CCSER1: variants seen among roughly 807,000 people sequenced by gnomAD.
CCSER1 encodes the protein coiled-coil serine rich protein 1.
Under a neutral mutation model 82.0 loss-of-function variants are expected in CCSER1, and 41 were observed. The observed-to-expected ratio is 0.50, with a 90% confidence interval of 0.39 to 0.65. CCSER1 has a LOEUF of 0.65. Ranked by LOEUF, CCSER1 falls within the 30% of genes least tolerant of loss-of-function variation. CCSER1 has a pLI of 0.00. For missense variants in CCSER1, 1,119 were observed against 1,064.2 expected (o/e 1.05, Z -0.72); for synonymous variants, 414 against 383.9 (o/e 1.08, Z -0.92).
At chr4:90,549,338 A>G (rs180707450) in intron 5 of CCSER1, among the ~76,000 whole-genome samples, 11 of 152,320 alleles carry the variant, frequency 7.2e-5, no homozygotes, top group Middle Eastern at 6.8e-3. Context: ...TATCAGGAAA[A>G]TTGTCACATC....
chr4:91,298,707 T>C (rs1459946624), intron 10 of CCSER1, among the ~76,000 whole-genome samples: 1 of 152,002 alleles, frequency 6.6e-6, no homozygotes, highest in Non-Finnish European at 1.5e-5. Flanking sequence ...AGTTCTTTTG[T>C]TGAGCATGGA....
At chr4:90,781,104 G>A (rs771515716) in intron 7 of CCSER1, 4 of 197,366 alleles carry the variant, frequency 2.0e-5, no homozygotes, top group Non-Finnish European at 2.7e-5. Context: ...CTCACTATCC[G>A]GAAGACAGCA....
intron 9 of CCSER1, among the ~76,000 whole-genome samples, chr4:91,059,647 C>T (rs1179461944): frequency 6.6e-6 from 1 of 151,558 alleles, no homozygotes; most frequent in Non-Finnish European, 1.5e-5. Flanking sequence ...ACACAAACAC[C>T]CTAGCGATCT....
intron 10 of CCSER1, among the ~76,000 whole-genome samples, chr4:91,494,832 G>A (rs1374028524): frequency 6.6e-6 from 1 of 151,514 alleles, no homozygotes; most frequent in Admixed American, 6.6e-5. Context: ...TCATCAAAAT[G>A]GTTGGTTTTC....
At chr4:91,593,055 C>G (rs548465672) in intron 10 of CCSER1, among the ~76,000 whole-genome samples, 10 of 143,688 alleles carry the variant, frequency 7.0e-5, no homozygotes, top group Non-Finnish European at 1.5e-4. Flanking sequence ...TTCTCCCCTC[C>G]CCCATAAATT....
At chr4:90,369,655 G>A (rs1397012449) in intron 3 of CCSER1, among the ~76,000 whole-genome samples, 1 of 151,896 alleles carries the variant, frequency 6.6e-6, no homozygotes, top group African/African-American at 2.4e-5. Flanking sequence ...TAATATAAAT[G>A]TATCTATTAA....
intron 9 of CCSER1, among the ~76,000 whole-genome samples, chr4:91,014,713 C>T (rs1310160502): frequency 6.6e-6 from 1 of 152,152 alleles, no homozygotes; most frequent in Admixed American, 6.5e-5. Flanking sequence ...TAGAAATCTA[C>T]TTCACACATA....
At chr4:90,804,183 G>A (rs1757205213) in intron 7 of CCSER1, among the ~76,000 whole-genome samples, 1 of 152,062 alleles carries the variant, frequency 6.6e-6, no homozygotes, top group Non-Finnish European at 1.5e-5. Context: ...TCTGATGATA[G>A]CTTCTTTTGC....
intron 10 of CCSER1, among the ~76,000 whole-genome samples, chr4:91,146,003 G>A (rs1427986066): frequency 6.6e-6 from 1 of 152,034 alleles, no homozygotes; most frequent in African/African-American, 2.4e-5. Context: ...ATCCTCTCTA[G>A]AAAATATGTT....
At chr4:90,734,245 C>T (rs1745280581) in intron 7 of CCSER1, among the ~76,000 whole-genome samples, 2 of 152,054 alleles carry the variant, frequency 1.3e-5, no homozygotes, top group South Asian at 4.1e-4. Flanking sequence ...CCTGCCTCTG[C>T]CTCTCAAGTA....
At chr4:90,691,315 CTTGA>C (rs1735784082) in intron 6 of CCSER1, among the ~76,000 whole-genome samples, 2 of 151,802 alleles carry the variant, frequency 1.3e-5, no homozygotes, top group Admixed American at 6.6e-5. Flanking sequence ...TTTAAATAGT[CTTGA>C]TTATTTTATT....
chr4:90,895,413 G>A (rs1354054436), intron 8 of CCSER1, among the ~76,000 whole-genome samples: 5 of 151,830 alleles, frequency 3.3e-5, no homozygotes, highest in Non-Finnish European at 7.4e-5. Flanking sequence ...TATTAAAATT[G>A]TTTACAAGAG....
intron 10 of CCSER1, among the ~76,000 whole-genome samples, chr4:91,382,488 T>G (rs6532304): frequency 0.74 from 111,874 of 152,118 alleles, 41,308 homozygotes; most frequent in East Asian, 0.87. Flanking sequence ...GGCTCCATGG[T>G]CATGGGACCC....
intron 9 of CCSER1, among the ~76,000 whole-genome samples, chr4:91,005,417 A>G (rs2150487459): frequency 6.6e-6 from 1 of 152,058 alleles, no homozygotes; most frequent in Middle Eastern, 3.4e-3. Context: ...ACACACACAC[A>G]GAGACACACA....
At chr4:90,850,191 G>A (rs765365144) in intron 8 of CCSER1, among the ~76,000 whole-genome samples, 21 of 152,306 alleles carry the variant, frequency 1.4e-4, no homozygotes, top group Admixed American at 2.0e-4. Context: ...GGGAACCTCT[G>A]CCTAGATTTC....
At chr4:90,196,036 G>C (rs960275086) in intron 1 of CCSER1, among the ~76,000 whole-genome samples, 1 of 150,914 alleles carries the variant, frequency 6.6e-6, no homozygotes, top group African/African-American at 2.4e-5. Context: ...TATTGTTCAG[G>C]GTAGCAGTGT....
rs1327453607 is a variant in CCSER1, at chr4:91,361,094, G to A, written c.2218-237478G>A. Among the ~76,000 whole-genome samples the A allele has an allele frequency of 1.4e-5, 2 of 140,328 alleles. 1 individual carries two copies. The highest frequency in any genetic ancestry group is 1.4e-4 in the Admixed American group (2 of 13,974). 92.1% of individuals were successfully genotyped at this position (140,328 alleles called of 152,430 possible). ...AAGTTATCACAGAGGGGGAGGAAAT[G>A]GCCTTTTTTTTAGTCTAGCAGATGC... On this transcript the variant is annotated intron_variant, in intron 10 of 10. Coordinates refer to ENST00000509176, the MANE Select transcript of CCSER1 (RefSeq NM_001145065.2).
intron 1 of CCSER1, among the ~76,000 whole-genome samples, chr4:90,277,266 CA>C (rs1728006692): frequency 1.3e-5 from 2 of 152,070 alleles, no homozygotes; most frequent in African/African-American, 2.4e-5. Context: ...AATGCATTTC[CA>C]AACTACCAAT....
At chr4:91,574,388 A>G in intron 10 of CCSER1, among the ~76,000 whole-genome samples, 1 of 152,090 alleles carries the variant, frequency 6.6e-6, no homozygotes, top group East Asian at 1.9e-4. Context: ...CAGCAATCCC[A>G]TTACTGGATA....
Sources: allele counts gnomAD v4.1 joint callset (sites outside exome capture counted in the v4.1 genomes callset), GRCh38; gene constraint gnomAD v4.1.1; transcripts MANE v1.5; gene names NCBI Gene and HGNC (gene_info 2026-07-23, HGNC 2026-07-21).